The following SYT14 variants were observed in gnomAD, a reference collection of about 807,000 sequenced individuals.
SYT14 encodes the protein synaptotagmin 14.
In SYT14, 32 loss-of-function variants were observed where a neutral mutation model predicts 74.2. The ratio of observed to expected loss-of-function variants is 0.43; its 90% confidence interval spans 0.33 to 0.58. SYT14 has a LOEUF of 0.58. Among genes scored for constraint, SYT14 ranks in the 20% least tolerant of loss-of-function variants. The pLI, the probability that SYT14 is intolerant of heterozygous loss-of-function variation, is 0.05. For synonymous variants in SYT14, 298 were observed against 337.7 expected, an observed-to-expected ratio of 0.88 and a Z score of 1.29; for missense variants, 791 against 981.8, an observed-to-expected ratio of 0.81 and a Z score of 2.60.
intron 7 of SYT14, among the ~76,000 whole-genome samples, chr1:210,116,038 G>A (rs1054625981): frequency 2.0e-5 from 3 of 151,378 alleles, no homozygotes; most frequent in East Asian, 1.9e-4. Context: ...GAGCAGGGGC[G>A]GGGGTCACAA....
At chr1:210,072,978 C>A (rs1306776306) in intron 5 of SYT14, among the ~76,000 whole-genome samples, 1 of 145,628 alleles carries the variant, frequency 6.9e-6, no homozygotes, top group Admixed American at 7.0e-5. Flanking sequence ...AGACAAAATT[C>A]TTTAAAGATT....
Position 210,045,570 on chromosome 1 carries a change from A to T in SYT14, c.1312+24316A>T, listed in dbSNP as rs1186515618. 2.6e-5 allele frequency among the ~76,000 whole-genome samples: 4 copies of T among 152,200 alleles called. No individual in the cohort carries two copies. In the East Asian group the frequency reaches 5.8e-4, roughly 22 times the overall value. On this transcript the variant is annotated intron_variant, in intron 5 of 9. Transcript: ENST00000637265. ...GAAGGCATTGAAAAGAGCCGCCTCC[A>T]GCCATTTCTTATCTCTGAATTAATA... is the stretch of plus-strand genomic sequence containing the variant.
intron 7 of SYT14, among the ~76,000 whole-genome samples, chr1:210,112,478 C>G (rs2082282038): frequency 6.6e-6 from 1 of 151,376 alleles, no homozygotes; most frequent in Non-Finnish European, 1.5e-5. Flanking sequence ...GAGATACTTT[C>G]CTTGGTCCAA....
At chr1:210,025,450 G>A (rs1268772542) in intron 5 of SYT14, among the ~76,000 whole-genome samples, 1 of 152,024 alleles carries the variant, frequency 6.6e-6, no homozygotes. Context: ...TTAACTAAAG[G>A]GAATCACAAG....
chr1:209,987,057 A>G (rs1223113151), intron 2 of SYT14, among the ~76,000 whole-genome samples: 1 of 152,222 alleles, frequency 6.6e-6, no homozygotes, highest in East Asian at 1.9e-4. Context: ...CTGAGAACTC[A>G]GCAGCCTGGA....
chr1:210,001,239 G>A (rs1206272948), intron 2 of SYT14, among the ~76,000 whole-genome samples: 2 of 146,046 alleles, frequency 1.4e-5, no homozygotes, highest in Non-Finnish European at 1.5e-5. Context: ...TTACCTTCCA[G>A]CTCAAATTTG....
At chr1:210,012,682 G>T (rs1572156369) in intron 2 of SYT14, among the ~76,000 whole-genome samples, 1 of 151,838 alleles carries the variant, frequency 6.6e-6, no homozygotes, top group Non-Finnish European at 1.5e-5. Flanking sequence ...CCGTGCATCA[G>T]ATATAACCTT....
At chr1:210,011,944 A>G (rs1412414686) in intron 2 of SYT14, among the ~76,000 whole-genome samples, 2 of 152,160 alleles carry the variant, frequency 1.3e-5, no homozygotes, top group African/African-American at 2.4e-5. Flanking sequence ...AAAAAGTTGA[A>G]AGAGAGACTG....
At chr1:210,061,312 G>T (rs1434271803) in intron 5 of SYT14, among the ~76,000 whole-genome samples, 3 of 151,908 alleles carry the variant, frequency 2.0e-5, no homozygotes, top group African/African-American at 7.2e-5. Flanking sequence ...TTTAAATGTT[G>T]AGTCAAATTT....
chr1:210,070,725 T>C (rs2081377364), intron 5 of SYT14, among the ~76,000 whole-genome samples: 1 of 151,988 alleles, frequency 6.6e-6, no homozygotes, highest in Non-Finnish European at 1.5e-5. Flanking sequence ...CTTTGTTGTA[T>C]GTGGGCACAG....
At chr1:209,941,829 T>C (rs921389168) in intron 1 of SYT14, among the ~76,000 whole-genome samples, 3 of 152,200 alleles carry the variant, frequency 2.0e-5, no homozygotes, top group Admixed American at 6.5e-5. Flanking sequence ...CCAGGTCCCC[T>C]GGAGACACTA....
intron 5 of SYT14, among the ~76,000 whole-genome samples, chr1:210,072,395 T>C (rs1225170869): frequency 6.6e-6 from 1 of 152,006 alleles, no homozygotes; most frequent in Non-Finnish European, 1.5e-5. Context: ...CATATGCTTT[T>C]AATTAGTTGC....
intron 5 of SYT14, among the ~76,000 whole-genome samples, chr1:210,039,363 A>T (rs2080736061): frequency 6.6e-6 from 1 of 152,014 alleles, no homozygotes; most frequent in South Asian, 2.1e-4. Context: ...GTAGTGCAGA[A>T]TCTCCTGCCT....
At chr1:210,003,503 A>G (rs1303788269) in intron 2 of SYT14, among the ~76,000 whole-genome samples, 2 of 152,134 alleles carry the variant, frequency 1.3e-5, no homozygotes, top group African/African-American at 2.4e-5. Flanking sequence ...TATGTTGTTC[A>G]TATATCCGCT....
At chr1:210,116,142 G>A (rs962656249) in intron 7 of SYT14, among the ~76,000 whole-genome samples, 5 of 152,094 alleles carry the variant, frequency 3.3e-5, no homozygotes, top group Non-Finnish European at 7.3e-5. Context: ...CACTTCTTTT[G>A]TCATTCTTCA....
chr1:210,094,422 C>G (rs748533990), exon 6 of SYT14: 13 of 1,613,842 alleles, frequency 8.1e-6, no homozygotes, highest in Non-Finnish European at 1.0e-5. Flanking sequence ...CATGTACACC[C>G]TCAGAAATTG....
chr1:210,123,115 CAAGA>C (rs1445968085), intron 7 of SYT14, among the ~76,000 whole-genome samples: 1 of 152,122 alleles, frequency 6.6e-6, no homozygotes, highest in Non-Finnish European at 1.5e-5. Context: ...AAAGAAAATG[CAAGA>C]AAGAGTTTAT....
chr1:209,940,999 C>G (rs2078721297), intron 1 of SYT14, among the ~76,000 whole-genome samples: 1 of 152,140 alleles, frequency 6.6e-6, no homozygotes. Flanking sequence ...ACCACAGTCT[C>G]TTTTAGCTTG....
At chr1:210,036,529 C>T (rs1239105112) in intron 5 of SYT14, among the ~76,000 whole-genome samples, 2 of 151,870 alleles carry the variant, frequency 1.3e-5, no homozygotes, top group African/African-American at 4.8e-5. Flanking sequence ...AGGGGGAATG[C>T]TTTCTTTTAC....
Sources: allele counts gnomAD v4.1 joint callset (sites outside exome capture counted in the v4.1 genomes callset), GRCh38; gene constraint gnomAD v4.1.1; transcripts MANE v1.5; gene names NCBI Gene and HGNC (gene_info 2026-07-23, HGNC 2026-07-21).